Variants in NRXN1 observed in about 807,000 individuals in gnomAD.
The protein encoded by NRXN1 is neurexin-1.
Under a neutral mutation model 150.9 loss-of-function variants are expected in NRXN1, and 39 were observed. The observed-to-expected ratio is 0.26, with a 90% confidence interval of 0.20 to 0.34. The LOEUF (loss-of-function observed/expected upper bound fraction) is 0.34, where lower values mean the gene tolerates loss of function less well. NRXN1 is among the 10% of genes least tolerant of loss of function. NRXN1 has a pLI of 1.00. For synonymous variants in NRXN1, 924 were observed against 757.0 expected (o/e 1.22, Z -3.62); for missense variants, 1,815 against 1,949.9 (o/e 0.93, Z 1.30).
chr2:50,114,771 C>T (rs1357779431), intron 18 of NRXN1, among the ~76,000 whole-genome samples: 1 of 151,976 alleles, frequency 6.6e-6, no homozygotes, highest in African/African-American at 2.4e-5. Context: ...GAGAAGCCTA[C>T]ACACTGTATG....
At chr2:50,253,339 G>GGATCAT (rs1393914224) in intron 17 of NRXN1, among the ~76,000 whole-genome samples, 1 of 151,996 alleles carries the variant, frequency 6.6e-6, no homozygotes, top group Non-Finnish European at 1.5e-5. Flanking sequence ...TCTAAATATA[G>GGATCAT]GATCATGTCG....
At chr2:50,417,726 C>T (rs1025691284) in intron 17 of NRXN1, among the ~76,000 whole-genome samples, 1 of 151,572 alleles carries the variant, frequency 6.6e-6, no homozygotes, top group Non-Finnish European at 1.5e-5. Context: ...TTTCTTGAGG[C>T]AGTAACATTT....
chr2:50,785,075 G>A (rs940649010), intron 5 of NRXN1, among the ~76,000 whole-genome samples: 1 of 151,904 alleles, frequency 6.6e-6, no homozygotes, highest in Non-Finnish European at 1.5e-5. Flanking sequence ...CCAAGAAGAG[G>A]AAGAGACACT....
chr2:50,072,701 G>A (rs1696479846), intron 19 of NRXN1, among the ~76,000 whole-genome samples: 1 of 150,516 alleles, frequency 6.6e-6, no homozygotes, highest in Non-Finnish European at 1.5e-5. Flanking sequence ...CTTTTTCTTT[G>A]GTGCTTATCA....
intron 18 of NRXN1, among the ~76,000 whole-genome samples, chr2:50,100,460 C>G (rs565376580): frequency 5.9e-5 from 9 of 152,096 alleles, no homozygotes; most frequent in Non-Finnish European, 2.9e-5. Context: ...CACTAAGTGA[C>G]TGGCTGCTGG....
intron 18 of NRXN1, among the ~76,000 whole-genome samples, chr2:50,106,073 A>G (rs1701597738): frequency 6.6e-6 from 1 of 151,814 alleles, no homozygotes; most frequent in Non-Finnish European, 1.5e-5. Flanking sequence ...CCCTCTCTTA[A>G]AAACATAATG....
At chr2:50,877,018 C>T (rs7589123) in intron 5 of NRXN1, among the ~76,000 whole-genome samples, 12,193 of 151,860 alleles carry the variant, frequency 0.08, 599 homozygotes, top group Non-Finnish European at 0.11. Context: ...AATTGTTACA[C>T]TTAATTTTTA....
At chr2:49,928,048 T>C (rs1293918810) in intron 22 of NRXN1, among the ~76,000 whole-genome samples, 1 of 152,022 alleles carries the variant, frequency 6.6e-6, no homozygotes, top group Non-Finnish European at 1.5e-5. Flanking sequence ...CAATGGAAAT[T>C]CAGCTTTTGA....
chr2:50,768,003 T>C (rs894340378), intron 5 of NRXN1, among the ~76,000 whole-genome samples: 5 of 152,116 alleles, frequency 3.3e-5, no homozygotes, highest in African/African-American at 7.2e-5. Context: ...TAATTTATCA[T>C]ATTCTGCATT....
intron 5 of NRXN1, among the ~76,000 whole-genome samples, chr2:50,887,494 T>C (rs561618516): frequency 5.9e-5 from 9 of 151,472 alleles, no homozygotes; most frequent in Non-Finnish European, 1.2e-4. Context: ...GGGAAAGAAG[T>C]TGGAAACGCA....
intron 18 of NRXN1, among the ~76,000 whole-genome samples, chr2:50,236,320 T>A (rs2065412883): frequency 6.6e-6 from 1 of 152,072 alleles, no homozygotes; most frequent in East Asian, 1.9e-4. Context: ...CCAAGTATCC[T>A]TAAAGTATAC....
At chr2:50,796,723 G>A (rs1429726882) in intron 5 of NRXN1, among the ~76,000 whole-genome samples, 2 of 152,118 alleles carry the variant, frequency 1.3e-5, no homozygotes, top group Non-Finnish European at 2.9e-5. Context: ...TCACATTAGT[G>A]ATCAGATTTG....
intron 17 of NRXN1, among the ~76,000 whole-genome samples, chr2:50,317,797 T>C (rs999083083): frequency 6.6e-6 from 1 of 152,042 alleles, no homozygotes; most frequent in African/African-American, 2.4e-5. Flanking sequence ...CAACAACATG[T>C]CATTCCAAAA....
chr2:50,210,405 T>C (rs1404830950), intron 18 of NRXN1, among the ~76,000 whole-genome samples: 1 of 151,886 alleles, frequency 6.6e-6, no homozygotes, highest in African/African-American at 2.4e-5. Flanking sequence ...TAAATCTCAT[T>C]AATATTTAAT....
At chr2:50,190,304 A>T (rs112251536) in intron 18 of NRXN1, among the ~76,000 whole-genome samples, 1 of 152,152 alleles carries the variant, frequency 6.6e-6, no homozygotes, top group African/African-American at 2.4e-5. Context: ...CAATTACACT[A>T]CATAAATTAG....
chr2:50,824,441 G>A (rs1247557566), intron 5 of NRXN1, among the ~76,000 whole-genome samples: 3 of 152,064 alleles, frequency 2.0e-5, no homozygotes, highest in African/African-American at 7.2e-5. Context: ...TGTAGGGAAA[G>A]GTGATGCCTA....
intron 2 of NRXN1, among the ~76,000 whole-genome samples, chr2:50,977,278 A>G (rs188690531): frequency 1.3e-3 from 193 of 151,962 alleles, no homozygotes; most frequent in Non-Finnish European, 2.0e-3. Flanking sequence ...CAGAGATAAT[A>G]ATTTTGCTCA....
At chr2:50,990,164 T>C (rs1372204167) in intron 2 of NRXN1, among the ~76,000 whole-genome samples, 1 of 152,008 alleles carries the variant, frequency 6.6e-6, no homozygotes, top group Non-Finnish European at 1.5e-5. Context: ...TTCATTAACT[T>C]ATCATTGAAT....
chr2:50,664,718 T>C (rs781654271), intron 5 of NRXN1, among the ~76,000 whole-genome samples: 4 of 151,578 alleles, frequency 2.6e-5, no homozygotes, highest in Non-Finnish European at 4.4e-5. Flanking sequence ...ACTTTGATAT[T>C]CACTCTGAAC....
Sources: gnomAD v4.1 joint callset for allele counts (sites outside exome capture counted in the v4.1 genomes callset) on GRCh38, gnomAD v4.1.1 for gene constraint, MANE v1.5 for transcripts, NCBI Gene and HGNC (gene_info 2026-07-23, HGNC 2026-07-21) for gene names.